Variants in RCOR3 observed in about 807,000 individuals in gnomAD.
RCOR3 encodes REST corepressor 3.
In RCOR3, 13 loss-of-function variants were observed where a neutral mutation model predicts 64.1. That is an observed-to-expected ratio of 0.20 (90% confidence interval 0.13 to 0.32). RCOR3 has a LOEUF of 0.32. Among genes scored for constraint, RCOR3 ranks in the 10% least tolerant of loss-of-function variants. RCOR3 has a pLI of 1.00. For synonymous variants in RCOR3, 215 were observed against 239.0 expected (o/e 0.90, Z 0.93); for missense variants, 489 against 701.2 (o/e 0.70, Z 3.42).
chr1:211,303,441 C>T (rs926088167), intron 9 of RCOR3: 2 of 152,228 alleles, frequency 1.3e-5, no homozygotes, highest in African/African-American at 4.8e-5. Context: ...CTTGGCAGTT[C>T]CTTCTGCAAA....
intron 7 of RCOR3, among the ~76,000 whole-genome samples, chr1:211,287,341 C>A (rs1333511191): frequency 6.6e-6 from 1 of 152,164 alleles, no homozygotes; most frequent in African/African-American, 2.4e-5. Flanking sequence ...TCCATTGAAG[C>A]CTGGCTTTAG....
intron 3 of RCOR3, among the ~76,000 whole-genome samples, 159 bp from the exon 4 acceptor site, chr1:211,274,048 TATG>T (rs941245473): frequency 1.3e-5 from 2 of 152,138 alleles, no homozygotes; most frequent in African/African-American, 2.4e-5. Context: ...CTGATCTTGC[TATG>T]ATAAGTCTCT....
intron 9 of RCOR3, among the ~76,000 whole-genome samples, chr1:211,296,123 A>G (rs1456160100): frequency 6.6e-6 from 1 of 152,184 alleles, no homozygotes; most frequent in East Asian, 1.9e-4. Flanking sequence ...ACACGGCAAG[A>G]AAAATATCAT....
chr1:211,259,692 G>A lies in RCOR3; in HGVS notation c.132G>A (p.Glu44=), dbSNP rs1693828755. 6.5e-7 allele frequency: 1 copy of A among 1,534,820 alleles called. No homozygotes were observed. The change falls in exon 1 of 12, where the codon GAG becomes GAA. Residue 44 remains glutamate (E), a synonymous_variant. Transcript: ENST00000419091. Reference sequence around the variant, plus strand: ...CCAACGGCGGGCTGCACTACTCAGAGCCCGAGAGCGGCTGCAGCAGCGACG... The same window carrying A: ...CCAACGGCGGGCTGCACTACTCAGAACCCGAGAGCGGCTGCAGCAGCGACG... ...SSTNGGLHYS[E]PESGCSSDDE... is the part of the protein sequence containing the mutation.
rs1234221614 is a variant in RCOR3 at position 211,313,311 on chromosome 1, G to A, written c.1318-113G>A. ...TGCTTCCAATAAACACTGGTGTTAT[G>A]TTTTTGTTTTGTTTTGATTTGTTTT... On this transcript the variant is annotated intron_variant, in intron 11 of 11. Transcript: ENST00000419091. The surrounding 1 kb of genome is among the most constrained non-coding windows in gnomAD (Gnocchi z 4.7). The A allele has an allele frequency of 4.8e-6, 7 of 1,457,912 alleles. No homozygotes were observed. The highest frequency in any genetic ancestry group is 9.0e-7 in the Non-Finnish European group (1 of 1,108,798). 90.3% of individuals were successfully genotyped at this position (1,457,912 alleles called of 1,614,324 possible).
At chr1:211,296,040 C>T (rs1047335515) in intron 9 of RCOR3, among the ~76,000 whole-genome samples, 79 of 152,130 alleles carry the variant, frequency 5.2e-4, no homozygotes, top group African/African-American at 1.7e-3. Context: ...AGCTCATTGA[C>T]GAGCAAGCTA....
In RCOR3 at chr1:211,313,741, G is replaced by A. The variant is rs1156557826; in HGVS notation, c.1635G>A (p.Gln545=). 6 of 1,614,054 alleles carry A rather than the reference G, an allele frequency of 3.7e-6. No homozygotes were observed. The highest frequency in any genetic ancestry group is 5.1e-6 in the Non-Finnish European group (6 of 1,180,030). The change falls in exon 12 of 12, where the codon CAG becomes CAA. Residue 545 remains glutamine (Q), a synonymous_variant. Transcript: ENST00000419091. The surrounding 1 kb of genome is among the most constrained non-coding windows in gnomAD (Gnocchi z 4.7). ...GQQPPSLIGI[Q]TDSQSSLH Reference sequence around the variant, plus strand: ...AGCCACCATCACTTATTGGAATTCAGACAGATTCACAGTCCTCACTGCACT... The same window carrying A: ...AGCCACCATCACTTATTGGAATTCAAACAGATTCACAGTCCTCACTGCACT...
chr1:211,279,882 A>G (rs531258392), intron 7 of RCOR3, among the ~76,000 whole-genome samples: 6 of 152,184 alleles, frequency 3.9e-5, no homozygotes, highest in South Asian at 2.1e-4. Flanking sequence ...CTGTAACCTC[A>G]TGATGCTGGA....
chr1:211,273,469 C>G (rs1404654106), intron 3 of RCOR3, among the ~76,000 whole-genome samples: 5 of 152,172 alleles, frequency 3.3e-5, no homozygotes, highest in Admixed American at 3.3e-4. Context: ...CATACATACA[C>G]ATATATAAAT....
At chr1:211,263,433 A>G (rs1694701040) in intron 2 of RCOR3, among the ~76,000 whole-genome samples, 1 of 11,014 alleles carries the variant, frequency 9.1e-5, no homozygotes, top group Non-Finnish European at 4.7e-4. Context: ...TTTTCAATTT[A>G]TTTACTCAGA....
intron 2 of RCOR3, among the ~76,000 whole-genome samples, chr1:211,270,358 C>T (rs1695966777): frequency 2.0e-5 from 3 of 152,122 alleles, no homozygotes; most frequent in Admixed American, 2.0e-4. Context: ...CCACCACACC[C>T]AGACTTTTAT....
chr1:211,298,280 G>A (rs749223976), intron 9 of RCOR3, among the ~76,000 whole-genome samples: 1 of 152,206 alleles, frequency 6.6e-6, no homozygotes, highest in Non-Finnish European at 1.5e-5. Context: ...GGCAAGGACA[G>A]TTAGAGAAGA....
intron 9 of RCOR3, 39 bp from the exon 10 acceptor site, chr1:211,304,044 T>A: frequency 6.8e-7 from 1 of 1,480,380 alleles, no homozygotes; most frequent in Non-Finnish European, 9.2e-7. Flanking sequence ...AATGTCTGTC[T>A]TCATATCCTC....
chr1:211,277,569 G>A (rs1032294477), intron 5 of RCOR3, among the ~76,000 whole-genome samples: 4 of 152,102 alleles, frequency 2.6e-5, no homozygotes, highest in Admixed American at 1.3e-4. Context: ...GACACAAAAG[G>A]TCACATATTG....
intron 2 of RCOR3, among the ~76,000 whole-genome samples, chr1:211,263,148 T>G (rs373056840): frequency 1.2e-4 from 18 of 151,570 alleles, no homozygotes; most frequent in African/African-American, 4.4e-4. Flanking sequence ...TTGCGATAGT[T>G]TACTGAGAAT....
intron 10 of RCOR3, among the ~76,000 whole-genome samples, chr1:211,307,535 G>T (rs982754384): frequency 3.4e-4 from 51 of 152,120 alleles, no homozygotes; most frequent in Non-Finnish European, 6.3e-4. Context: ...ATTTAAAAAG[G>T]AATTAGATTA....
At chr1:211,275,436 C>A (rs977522469) in intron 4 of RCOR3, among the ~76,000 whole-genome samples, 3 of 151,894 alleles carry the variant, frequency 2.0e-5, no homozygotes, top group African/African-American at 7.2e-5. Context: ...TAGGACTATA[C>A]CTTAATATGT....
chr1:211,305,095 C>T (rs1368434039), intron 10 of RCOR3, among the ~76,000 whole-genome samples: 1 of 152,102 alleles, frequency 6.6e-6, no homozygotes, highest in Non-Finnish European at 1.5e-5. Context: ...AAATGCTGTG[C>T]AGACATCATT....
chr1:211,309,164 A>G (rs576672651), intron 10 of RCOR3, among the ~76,000 whole-genome samples: 59 of 151,846 alleles, frequency 3.9e-4, no homozygotes, highest in African/African-American at 1.1e-3. Flanking sequence ...TGAAGTTACC[A>G]CAATCTTACT....
Sources: allele counts gnomAD v4.1 joint callset (sites outside exome capture counted in the v4.1 genomes callset), GRCh38; gene constraint gnomAD v4.1.1; non-coding constraint Gnocchi (gnomAD v3.1); transcripts MANE v1.5; gene names NCBI Gene and HGNC (gene_info 2026-07-23, HGNC 2026-07-21).